The following GPR158 variants were observed in gnomAD, a reference collection of about 807,000 sequenced individuals.
The protein encoded by GPR158 is metabotropic glycine receptor.
A neutral mutation model predicts 78.2 loss-of-function variants in GPR158; 30 were observed. The observed-to-expected ratio is 0.38, with a 90% CI of 0.29 to 0.52. The LOEUF (loss-of-function observed/expected upper bound fraction) is 0.52, where lower values mean the gene tolerates loss of function less well. GPR158 is among the 20% of genes least tolerant of loss of function. The pLI is 0.83. For missense variants in GPR158, 1,463 were observed against 1,523.5 expected (o/e 0.96, Z 0.66); for synonymous variants, 581 against 591.1 (o/e 0.98, Z 0.25).
chr10:25,386,311 G>T (rs1222462662), intron 2 of GPR158, among the ~76,000 whole-genome samples: 1 of 152,132 alleles, frequency 6.6e-6, no homozygotes, highest in Non-Finnish European at 1.5e-5. Flanking sequence ...CTGTCTTTAT[G>T]CCAGTACCAC....
At chr10:25,565,591 G>T in intron 6 of GPR158, among the ~76,000 whole-genome samples, 1 of 151,792 alleles carries the variant, frequency 6.6e-6, no homozygotes, top group Non-Finnish European at 1.5e-5. Flanking sequence ...ACTGAAAAAA[G>T]TACTCACATG....
At chr10:25,495,802 A>G (rs544191517) in intron 5 of GPR158, among the ~76,000 whole-genome samples, 30 of 152,156 alleles carry the variant, frequency 2.0e-4, no homozygotes, top group African/African-American at 7.2e-4. Flanking sequence ...TTAAACAATA[A>G]CCTCTTTTCT....
In GPR158 at chr10:25,220,304, T is replaced by C. The variant is rs1173579322; in HGVS notation, c.903-748T>C. 3.9e-5 allele frequency among the ~76,000 whole-genome samples: 6 copies of C among 152,100 alleles called. No individual in the cohort carries two copies. The South Asian group carries it at 1.0e-3, about 26-fold the overall frequency. On this transcript the variant is annotated intron_variant, in intron 1 of 10. Transcript: ENST00000376351. ...GGTGAAAAATAGAAAGGAGGGAATC[T>C]TAGGAAAACAGAGAGAGAAAGTTGG...
intron 2 of GPR158, among the ~76,000 whole-genome samples, chr10:25,395,382 C>T (rs937726576): frequency 2.6e-5 from 4 of 152,030 alleles, no homozygotes; most frequent in African/African-American, 9.6e-5. Flanking sequence ...TTTAAATTTA[C>T]TTGTTTTATT....
At chr10:25,533,822 G>C (rs1360656976) in intron 5 of GPR158, among the ~76,000 whole-genome samples, 1 of 152,080 alleles carries the variant, frequency 6.6e-6, no homozygotes. Flanking sequence ...AATGAGCTCA[G>C]ACTCCAGACC....
intron 2 of GPR158, among the ~76,000 whole-genome samples, chr10:25,222,194 C>T (rs535532393): frequency 4.9e-4 from 74 of 152,132 alleles, no homozygotes; most frequent in African/African-American, 1.6e-3. Context: ...CCACACACAA[C>T]CCACATACCC....
chr10:25,338,469 T>TTATACGTATAATATACGTATAA (rs1167138405), intron 2 of GPR158, among the ~76,000 whole-genome samples: 1 of 136,622 alleles, frequency 7.3e-6, no homozygotes, highest in Non-Finnish European at 1.5e-5. Flanking sequence ...ATTACGTATA[T>TTATACGTATAATATACGTATAA]TATACGTATA....
intron 2 of GPR158, among the ~76,000 whole-genome samples, chr10:25,239,463 C>G (rs1472107803): frequency 6.6e-6 from 1 of 151,968 alleles, no homozygotes; most frequent in African/African-American, 2.4e-5. Context: ...AAAAAATGAG[C>G]CGGGCATGGT....
chr10:25,554,826 T>G (rs1191671071), intron 6 of GPR158, among the ~76,000 whole-genome samples: 4 of 152,190 alleles, frequency 2.6e-5, no homozygotes, highest in African/African-American at 9.6e-5. Context: ...ATCACCAGTA[T>G]ATGGTGATTA....
intron 2 of GPR158, among the ~76,000 whole-genome samples, chr10:25,318,969 G>A (rs893966516): frequency 1.3e-5 from 2 of 152,190 alleles, no homozygotes; most frequent in Admixed American, 6.5e-5. Flanking sequence ...CTTTAGGTAC[G>A]TTAAGTTTGC....
At position 25,488,796 on chromosome 10, in the gene GPR158, G is replaced by A. The variant is rs1178230312; in HGVS notation, c.1404+22077G>A. Among the ~76,000 whole-genome samples, 3 of 152,068 alleles carry A rather than the reference G, an allele frequency of 2.0e-5. No homozygotes were observed. The South Asian group carries it at 6.2e-4, about 32-fold the overall frequency. On this transcript the variant is annotated intron_variant, in intron 5 of 10. Transcript: ENST00000376351. ...ACTAAAGAGGGATTCACCTAAGATA[G>A]ATTTTCATATATTGTTTTTTTCTGA...
chr10:25,596,848 G>T (rs1837415040), intron 10 of GPR158, 59 bp downstream of exon 10: 3 of 1,489,044 alleles, frequency 2.0e-6, no homozygotes. Flanking sequence ...ATACAGGCAG[G>T]CGTGTGTGGG....
intron 5 of GPR158, among the ~76,000 whole-genome samples, chr10:25,477,553 A>T (rs530032178): frequency 6.6e-6 from 1 of 152,206 alleles, no homozygotes; most frequent in Non-Finnish European, 1.5e-5. Flanking sequence ...TGACAGATTG[A>T]CTTCCATGAC....
At chr10:25,330,014 C>T (rs1588802792) in intron 2 of GPR158, among the ~76,000 whole-genome samples, 3 of 147,770 alleles carry the variant, frequency 2.0e-5, no homozygotes, top group Admixed American at 1.3e-4. Context: ...TGAGATAATT[C>T]TTTTTTTTTT....
Position 25,323,105 on chromosome 10 carries a change from A to G in GPR158, c.1009-72806A>G, listed in dbSNP as rs538016918. ...TGTGATCTGCCTGCCTCGTCCTCCC[A>G]AAGTGCTGGGATTACAGTTGTGAGC... On this transcript the variant is annotated intron_variant, in intron 2 of 10. Transcript: ENST00000376351. Among the ~76,000 whole-genome samples the G allele has an allele frequency of 6.6e-5, 10 of 152,214 alleles. No individual in the cohort carries two copies. In the South Asian group the frequency reaches 1.7e-3, roughly 25 times the overall value.
At chr10:25,523,323 G>A (rs186976059) in intron 5 of GPR158, among the ~76,000 whole-genome samples, 55 of 152,316 alleles carry the variant, frequency 3.6e-4, no homozygotes, top group African/African-American at 1.2e-3. Flanking sequence ...TCCTCTGTGT[G>A]GAAGAACTCT....
chr10:25,581,596 C>T (rs1343347188), intron 7 of GPR158, among the ~76,000 whole-genome samples: 1 of 152,088 alleles, frequency 6.6e-6, no homozygotes, highest in Non-Finnish European at 1.5e-5. Context: ...AAACAGTTTC[C>T]ACAAAGGCAG....
intron 2 of GPR158, among the ~76,000 whole-genome samples, chr10:25,328,039 A>G (rs1198412685): frequency 6.6e-6 from 1 of 152,242 alleles, no homozygotes; most frequent in Non-Finnish European, 1.5e-5. Flanking sequence ...TGTTAACAGT[A>G]TAACTATAGA....
chr10:25,504,888 A>T (rs1835991079), intron 5 of GPR158, among the ~76,000 whole-genome samples: 1 of 152,188 alleles, frequency 6.6e-6, no homozygotes, highest in African/African-American at 2.4e-5. Context: ...TAAGTATTGA[A>T]TTGAGAGCAG....
Sources: allele counts gnomAD v4.1 joint callset (sites outside exome capture counted in the v4.1 genomes callset), GRCh38; gene constraint gnomAD v4.1.1; transcripts MANE v1.5; gene names NCBI Gene and HGNC (gene_info 2026-07-23, HGNC 2026-07-21).